The following PARVA variants were observed in gnomAD, a reference collection of about 807,000 sequenced individuals.
The protein encoded by PARVA is alpha-parvin.
In PARVA, 25 loss-of-function variants were observed where a neutral mutation model predicts 52.6. The observed-to-expected ratio is 0.48, with a 90% CI of 0.35 to 0.66. PARVA has a LOEUF of 0.66. PARVA is among the 30% of genes least tolerant of loss of function. The pLI, the probability that PARVA is intolerant of heterozygous loss-of-function variation, is 0.01. For synonymous variants in PARVA, 185 were observed against 179.1 expected (o/e 1.03, Z -0.26); for missense variants, 373 against 450.9 (o/e 0.83, Z 1.56).
At chr11:12,461,354 C>T (rs557336587) in intron 1 of PARVA, among the ~76,000 whole-genome samples, 67 of 152,304 alleles carry the variant, frequency 4.4e-4, no homozygotes, top group Non-Finnish European at 6.6e-4. Context: ...GTTACAAATG[C>T]TCAGGGCATG....
intron 1 of PARVA, among the ~76,000 whole-genome samples, chr11:12,395,091 CAAA>C (rs901391955): frequency 1.1e-4 from 6 of 54,880 alleles, no homozygotes; most frequent in Non-Finnish European, 7.2e-5. Flanking sequence ...AACTCCATCT[CAAA>C]AAAAAAAAAA....
intron 1 of PARVA, among the ~76,000 whole-genome samples, chr11:12,397,540 A>C (rs77808055): frequency 0.11 from 16,568 of 152,246 alleles, 1,250 homozygotes; most frequent in African/African-American, 0.21. Flanking sequence ...AAAGGAAATG[A>C]TAGAGAAGAA....
chr11:12,534,887 T>A lies in PARVA; in HGVS notation c.*6962T>A, dbSNP rs901755251. On this transcript the variant is annotated 3_prime_UTR_variant, in exon 13 of 13. Transcript: ENST00000334956. ...CCTGGAAGCTTTTTCTCATTCAGGC[T>A]TTAGGGGTTACCCCATCTTTCCTTA... 6.6e-6 allele frequency among the ~76,000 whole-genome samples: 1 copy of A among 152,226 alleles called. No homozygotes were observed. Among genetic ancestry groups the A allele is most frequent in the Non-Finnish European group, 1.5e-5 (1 of 68,036 alleles).
rs1941811152 is a variant in PARVA at position 12,534,405 on chromosome 11, C to T, written c.*6480C>T. Among the ~76,000 whole-genome samples, 1 of 152,150 alleles carries T rather than the reference C, an allele frequency of 6.6e-6. No homozygotes were observed. The highest frequency in any genetic ancestry group is 1.5e-5 in the Non-Finnish European group (1 of 68,032). ...CTGGGCTGAGCAGCCTGTGTTCCTG[C>T]CTCAACTCCCCTGAACCCTCCTGAA... On this transcript the variant is annotated 3_prime_UTR_variant, in exon 13 of 13. Coordinates refer to ENST00000334956, the MANE Select transcript of PARVA (RefSeq NM_018222.5).
chr11:12,473,644 G>A, intron 1 of PARVA, 101 bp from the exon 2 acceptor site: 1 of 850,156 alleles, frequency 1.2e-6, no homozygotes, highest in Non-Finnish European at 1.9e-6. Context: ...ACCCTTAGTG[G>A]GTTTTTTTCT....
rs1940720696 is a variant in PARVA, at chr11:12,457,982, G to A, written c.137-15763G>A. On this transcript the variant is annotated intron_variant, in intron 1 of 12. Coordinates refer to ENST00000334956, the MANE Select transcript of PARVA (RefSeq NM_018222.5). Reference sequence around the variant, plus strand: ...CGGCCCTCAGCCCACTGAGACTGGGGTCATGTGTGACTGTGAGCTCCTGGG... The same window carrying A: ...CGGCCCTCAGCCCACTGAGACTGGGATCATGTGTGACTGTGAGCTCCTGGG... 2.6e-5 allele frequency among the ~76,000 whole-genome samples: 4 copies of A among 152,230 alleles called. No individual in the cohort carries two copies. In the South Asian group the frequency reaches 6.2e-4, roughly 24 times the overall value.
intron 4 of PARVA, among the ~76,000 whole-genome samples, chr11:12,482,975 C>T (rs1378946348): frequency 6.6e-6 from 1 of 152,204 alleles, no homozygotes; most frequent in Non-Finnish European, 1.5e-5. Flanking sequence ...AACAGGTGAG[C>T]GTCCTTGAGA....
intron 1 of PARVA, among the ~76,000 whole-genome samples, chr11:12,416,816 G>C (rs567882175): frequency 1.9e-3 from 288 of 152,116 alleles, no homozygotes; most frequent in African/African-American, 6.6e-3. Context: ...GGGAGGGCAC[G>C]AGGGCAGAGA....
At chr11:12,388,694 T>G (rs1019771249) in intron 1 of PARVA, among the ~76,000 whole-genome samples, 1 of 152,032 alleles carries the variant, frequency 6.6e-6, no homozygotes, top group Non-Finnish European at 1.5e-5. Flanking sequence ...TTATTATAAT[T>G]TTTTTCTTTT....
intron 1 of PARVA, among the ~76,000 whole-genome samples, chr11:12,456,386 C>G (rs755315149): frequency 1.8e-4 from 28 of 152,150 alleles, no homozygotes; most frequent in Non-Finnish European, 3.7e-4. Flanking sequence ...ATCTACCTTT[C>G]TACAGAGCCC....
intron 9 of PARVA, 136 bp downstream of exon 9, chr11:12,513,496 C>T: frequency 2.5e-6 from 2 of 809,652 alleles, no homozygotes; most frequent in Non-Finnish European, 2.2e-6. Context: ...AGGGCTTTCC[C>T]CCTTGCCATC....
intron 1 of PARVA, among the ~76,000 whole-genome samples, chr11:12,416,669 T>G: frequency 6.8e-6 from 1 of 148,078 alleles, no homozygotes; most frequent in Non-Finnish European, 1.5e-5. Flanking sequence ...AAGAAGCGAG[T>G]GGAGAGAAAG....
intron 4 of PARVA, among the ~76,000 whole-genome samples, chr11:12,484,214 A>C (rs575076628): frequency 3.9e-5 from 6 of 152,188 alleles, no homozygotes; most frequent in African/African-American, 1.4e-4. Context: ...ATAATTCATC[A>C]CTTCATTTGA....
chr11:12,382,810 A>G (rs1241902484), intron 1 of PARVA, among the ~76,000 whole-genome samples: 3 of 152,244 alleles, frequency 2.0e-5, no homozygotes, highest in East Asian at 1.9e-4. Context: ...GTCTTCATCT[A>G]TAAAATGAGA....
At chr11:12,411,968 A>T (rs1005251755) in intron 1 of PARVA, among the ~76,000 whole-genome samples, 8 of 152,176 alleles carry the variant, frequency 5.3e-5, no homozygotes, top group Non-Finnish European at 1.2e-4. Context: ...ATATCGACTC[A>T]TCCCCCAGGA....
chr11:12,377,493 C>A, upstream of PARVA: 2 of 1,405,836 alleles, frequency 1.4e-6, no homozygotes, highest in Non-Finnish European at 9.3e-7. Context: ...AGGGAGGGAG[C>A]GAGGGAAGGG....
chr11:12,460,584 A>C (rs1424118151), intron 1 of PARVA, among the ~76,000 whole-genome samples: 1 of 152,090 alleles, frequency 6.6e-6, no homozygotes, highest in African/African-American at 2.4e-5. Context: ...GAATTAACTC[A>C]CCAGCAAATC....
chr11:12,421,386 T>C (rs752860244), intron 1 of PARVA, among the ~76,000 whole-genome samples: 28 of 152,188 alleles, frequency 1.8e-4, no homozygotes, highest in Non-Finnish European at 2.2e-4. Flanking sequence ...GTGTGCAGGA[T>C]GGTAACCTCA....
At chr11:12,502,054 G>A (rs868343956) in intron 5 of PARVA, among the ~76,000 whole-genome samples, 2 of 152,170 alleles carry the variant, frequency 1.3e-5, no homozygotes, top group Non-Finnish European at 2.9e-5. Context: ...CCATGTCAGT[G>A]GGTCACAGTG....
Sources: allele counts gnomAD v4.1 joint callset (sites outside exome capture counted in the v4.1 genomes callset), GRCh38; gene constraint gnomAD v4.1.1; transcripts MANE v1.5; gene names NCBI Gene and HGNC (gene_info 2026-07-23, HGNC 2026-07-21).